SLC9A5: variants seen among roughly 807,000 people sequenced by gnomAD.
SLC9A5 encodes solute carrier family 9 member A5.
SLC9A5 carries 52 observed loss-of-function variants against 91.7 expected under a neutral mutation model. That is an observed-to-expected ratio of 0.57 (90% CI 0.45 to 0.71). The LOEUF (loss-of-function observed/expected upper bound fraction) is 0.71. Ranked by LOEUF, SLC9A5 falls within the 30% of genes least tolerant of loss-of-function variation. The probability of loss-of-function intolerance (pLI) is 0.00; values close to 1 mark genes in which losing one functional copy is unlikely to be tolerated. For synonymous variants in SLC9A5, 419 were observed against 474.5 expected (o/e 0.88, Z 1.52); for missense variants, 871 against 1,158.9 (o/e 0.75, Z 3.61).
Position 67,252,678 on chromosome 16 carries a change from C to T in SLC9A5, c.324C>T (p.Phe108=), listed in dbSNP as rs1176969321. 3 of 1,614,226 alleles carry T rather than the reference C, an allele frequency of 1.9e-6. No homozygotes were observed. The South Asian group carries it at 3.3e-5, about 18-fold the overall frequency. The change falls in exon 2 of 16, where the codon TTC becomes TTT. Residue 108 remains phenylalanine (F), a synonymous_variant. Transcript: ENST00000299798. The surrounding 1 kb of genome is among the most constrained non-coding windows in gnomAD (Gnocchi z 4.0). ...AEYQLEPGTF[F]LFLLPPIVLD... ...ACCAGCTGGAGCCAGGCACCTTCTT[C>T]CTCTTCCTGCTGCCTCCTATTGTGT...
chr16:67,261,719 T>C (rs774350934), intron 12 of SLC9A5: 2 of 152,302 alleles, frequency 1.3e-5, no homozygotes, highest in Non-Finnish European at 2.9e-5. Context: ...TATTTATTTA[T>C]TGAAGAAGCT....
chr16:67,250,471 A>T (rs191606217), intron 1 of SLC9A5, among the ~76,000 whole-genome samples: 8 of 152,276 alleles, frequency 5.3e-5, no homozygotes, highest in Admixed American at 1.3e-4. Context: ...GGAGCCAACG[A>T]TTGGGTTTGC....
At chr16:67,259,503 C>A in intron 10 of SLC9A5, 70 bp from the exon 11 acceptor site, 8 of 1,087,854 alleles carry the variant, frequency 7.4e-6, no homozygotes, top group Non-Finnish European at 1.1e-5. Flanking sequence ...TTATTATTTT[C>A]TTTATTACCC....
Position 67,255,161 on chromosome 16 carries a change from C to A in SLC9A5, c.631C>A (p.Leu211Met). The change falls in exon 3 of 16, where the codon CTG (leucine) becomes ATG (methionine). Residue 211 changes from leucine to methionine, a missense_variant. Leu to Met is a conservative substitution (Grantham distance 15). Around this residue, in one of 3 missense-constraint regions of SLC9A5, gnomAD observed 454 missense variants for 718.3 expected, o/e 0.63. Coordinates refer to ENST00000299798, the MANE Select transcript of SLC9A5 (RefSeq NM_004594.3). This position sits in a 1 kb window ranked among gnomAD's most constrained non-coding sequence, Gnocchi z 4.9. Reference sequence around the variant, plus strand: ...CTTTATCATCGTCTTTGGCGAGTCCCTGCTCAACGATGCTGTCACCGTGGT... The same window carrying A: ...CTTTATCATCGTCTTTGGCGAGTCCATGCTCAACGATGCTGTCACCGTGGT... Reference protein sequence around the residue: ...TLFIIVFGESLLNDAVTVVLY... With the variant: ...TLFIIVFGESMLNDAVTVVLY... The A allele has an allele frequency of 6.2e-7, 1 of 1,613,940 alleles. No homozygotes were observed. Among genetic ancestry groups the A allele is most frequent in the South Asian group, 1.1e-5 (1 of 91,078 alleles).
In SLC9A5 at chr16:67,252,616, G is replaced by A; in HGVS notation, c.262G>A (p.Gly88Arg). 6.2e-7 allele frequency: 1 copy of A among 1,614,098 alleles called. No homozygotes were observed. Among genetic ancestry groups the A allele is most frequent in the Non-Finnish European group, 8.5e-7 (1 of 1,180,042 alleles). The change falls in exon 2 of 16, where the codon GGG becomes AGG. Residue 88 changes from glycine (G) to arginine (R), a missense_variant. Gly to Arg is a moderately radical substitution (Grantham distance 125). This residue lies in a region of SLC9A5 where 122 missense variants were observed against 114.5 expected (regional missense o/e 1.07). Transcript: ENST00000299798. The surrounding 1 kb of genome is among the most constrained non-coding windows in gnomAD (Gnocchi z 4.0). ...CLLILLGLVL[G>R]GIVLAVAKKA... ...GCTGATTTTGCTGGGCCTGGTGCTA[G>A]GGGGAATTGTTTTGGCTGTGGCCAA...
rs984624021 is a variant in SLC9A5 at position 67,271,397 on chromosome 16, C to T, written c.*187C>T. Reference sequence around the variant, plus strand: ...TCACAGGGGCCTTTCTCACCACCTCCCTGCTCCTAACCCCTGCCACTTTCT... The same window carrying T: ...TCACAGGGGCCTTTCTCACCACCTCTCTGCTCCTAACCCCTGCCACTTTCT... On this transcript the variant is annotated 3_prime_UTR_variant, in exon 16 of 16. Transcript: ENST00000299798. 6.4e-5 allele frequency: 39 copies of T among 611,002 alleles called. No homozygotes were observed. Among genetic ancestry groups the T allele is most frequent in the Non-Finnish European group, 1.0e-4 (36 of 343,894 alleles). The allele number at this position is 611,002 out of a possible 1,614,324, so 37.8% of individuals were successfully genotyped here.
chr16:67,252,985 C>T lies in SLC9A5; in HGVS notation c.490+141C>T, dbSNP rs1020801768. On this transcript the variant is annotated intron_variant, in intron 2 of 15. Transcript: ENST00000299798. This position sits in a 1 kb window ranked among gnomAD's most constrained non-coding sequence, Gnocchi z 4.0. ...TCCCTCTGGAGTGCAAGGCAGTGCT[C>T]CCGCTGGGGTTCAGGCCTCATTGAG... 1.7e-5 allele frequency: 13 copies of T among 748,018 alleles called. No homozygotes were observed. The African/African-American group carries it at 1.8e-4, about 10-fold the overall frequency. 46.3% of individuals were successfully genotyped at this position (748,018 alleles called of 1,614,324 possible).
Position 67,262,290 on chromosome 16 carries a change from G to A in SLC9A5, c.1843-2062G>A, listed in dbSNP as rs1406476161. 6.6e-6 allele frequency: 3 copies of A among 457,264 alleles called. No individual in the cohort carries two copies. In the Admixed American group the frequency reaches 7.1e-5, roughly 11 times the overall value. 28.3% of individuals were successfully genotyped at this position (457,264 alleles called of 1,614,324 possible). A position where few individuals can be genotyped will look rare whatever the true frequency, so the allele number is the denominator to read the frequency against. On this transcript the variant is annotated intron_variant, in intron 12 of 15. Transcript: ENST00000299798. Reference sequence around the variant, plus strand: ...CTGACATGGATCAAGCATTTTTGGGGTATGGTAACTCAACCAGTTCTGAAT... The same window carrying A: ...CTGACATGGATCAAGCATTTTTGGGATATGGTAACTCAACCAGTTCTGAAT...
At position 67,258,783 on chromosome 16, in the gene SLC9A5, C is replaced by G. The variant is rs559051287; in HGVS notation, c.1626+336C>G. 1.3e-5 allele frequency among the ~76,000 whole-genome samples: 2 copies of G among 152,184 alleles called. No individual in the cohort carries two copies. Among genetic ancestry groups the G allele is most frequent in the Admixed American group, 1.3e-4 (2 of 15,280 alleles). On this transcript the variant is annotated intron_variant, in intron 10 of 15. Transcript: ENST00000299798. The surrounding 1 kb of genome is among the most constrained non-coding windows in gnomAD (Gnocchi z 4.5). Reference sequence around the variant, plus strand: ...ATAAGAGGCTGGGCACGGTGGCTCACGCCTGTAATCCCAGCACTGTGGGAG... The same window carrying G: ...ATAAGAGGCTGGGCACGGTGGCTCAGGCCTGTAATCCCAGCACTGTGGGAG...
rs1212157043 is a variant in SLC9A5 at position 67,268,657 on chromosome 16, A to ATT, written c.2219-2080_2219-2079dup. On this transcript the variant is annotated intron_variant, in intron 15 of 15. Coordinates refer to ENST00000299798, the MANE Select transcript of SLC9A5 (RefSeq NM_004594.3). Reference sequence around the variant, plus strand: ...ATCAAACATCGTTCAAATTTCCCTGATTATATATATATATATATATATATA... The same window carrying ATT: ...ATCAAACATCGTTCAAATTTCCCTGATTTTATATATATATATATATATATATA... 3.3e-3 allele frequency among the ~76,000 whole-genome samples: 158 copies of ATT among 47,768 alleles called. 5 individuals are homozygous for ATT. Among genetic ancestry groups the ATT allele is most frequent in the Middle Eastern group, 0.018 (1 of 56 alleles). The allele number at this position is 47,768 out of a possible 152,430, so 31.3% of individuals were successfully genotyped here. A position where few individuals can be genotyped will look rare whatever the true frequency, so the allele number is the denominator to read the frequency against.
Position 67,255,952 on chromosome 16 carries a change from G to A in SLC9A5, c.911+22G>A. On this transcript the variant is annotated intron_variant, in intron 5 of 15. Coordinates refer to ENST00000299798, the MANE Select transcript of SLC9A5 (RefSeq NM_004594.3). The surrounding 1 kb of genome is among the most constrained non-coding windows in gnomAD (Gnocchi z 4.9). ...TTGCGTGAGTTCTGGGGGCCTTGCA[G>A]GCAGATAGCTGGGAGGGGGCACTGG... The A allele has an allele frequency of 1.9e-6, 3 of 1,608,078 alleles. No individual in the cohort carries two copies. Among genetic ancestry groups the A allele is most frequent in the Non-Finnish European group, 1.7e-6 (2 of 1,176,890 alleles).
At chr16:67,266,277 T>A (rs776553855) in intron 15 of SLC9A5, 52 bp downstream of exon 15, 2 of 1,521,150 alleles carry the variant, frequency 1.3e-6, no homozygotes, top group South Asian at 2.6e-5. Flanking sequence ...TGGTTTCCTC[T>A]CTCTTCACTC....
chr16:67,254,555 C>A (rs925129815), intron 2 of SLC9A5, among the ~76,000 whole-genome samples: 1 of 152,150 alleles, frequency 6.6e-6, no homozygotes, highest in Non-Finnish European at 1.5e-5. Context: ...CACCACTGCG[C>A]CTGGCTACTT....
At position 67,252,878 on chromosome 16, in the gene SLC9A5, C is replaced by G; in HGVS notation, c.490+34C>G. ...CCCTAAGACCTGGGCTTTGCCAGAC[C>G]CATCACCCCTCTCCCTTCTCCTCAA... is the stretch of plus-strand genomic sequence containing the variant. On this transcript the variant is annotated intron_variant, in intron 2 of 15. Transcript: ENST00000299798. This position sits in a 1 kb window ranked among gnomAD's most constrained non-coding sequence, Gnocchi z 4.0. 1 of 1,571,172 alleles carries G rather than the reference C, an allele frequency of 6.4e-7. No individual in the cohort carries two copies. The highest frequency in any genetic ancestry group is 8.6e-7 in the Non-Finnish European group (1 of 1,156,464).
At position 67,270,502 on chromosome 16, in the gene SLC9A5, G is replaced by A. The variant is rs2035879461; in HGVS notation, c.2219-236G>A. Among the ~76,000 whole-genome samples the A allele has an allele frequency of 6.6e-6, 1 of 152,126 alleles. No individual in the cohort carries two copies. The highest frequency in any genetic ancestry group is 1.5e-5 in the Non-Finnish European group (1 of 68,030). ...CAACTTTCCTTATTTTCGTTTCTTT[G>A]ATGAAAATAATGTTCAATTTCTTGA... On this transcript the variant is annotated intron_variant, in intron 15 of 15. Transcript: ENST00000299798. This position sits in a 1 kb window ranked among gnomAD's most constrained non-coding sequence, Gnocchi z 4.3.
intron 15 of SLC9A5, among the ~76,000 whole-genome samples, chr16:67,268,667 TA>T (rs2035806110): frequency 6.8e-5 from 2 of 29,520 alleles, no homozygotes; most frequent in Admixed American, 3.2e-4. Flanking sequence ...ATTATATATA[TA>T]TATATATATA....
Position 67,258,565 on chromosome 16 carries a change from C to A in SLC9A5, c.1626+118C>A. 8.2e-7 allele frequency: 1 copy of A among 1,219,778 alleles called. No individual in the cohort carries two copies. The highest frequency in any genetic ancestry group is 1.2e-6 in the Non-Finnish European group (1 of 845,218). 75.6% of individuals were successfully genotyped at this position (1,219,778 alleles called of 1,614,324 possible). A position where few individuals can be genotyped will look rare whatever the true frequency, so the allele number is the denominator to read the frequency against. On this transcript the variant is annotated intron_variant, in intron 10 of 15. Coordinates refer to ENST00000299798, the MANE Select transcript of SLC9A5 (RefSeq NM_004594.3). This position sits in a 1 kb window ranked among gnomAD's most constrained non-coding sequence, Gnocchi z 4.5. ...CAGGGAGTTGGGAATTCCTAGCTGG[C>A]TCCATGGTCTGGTGAAGTGGCAGCG...
Position 67,257,117 on chromosome 16 carries a change from G to A in SLC9A5, c.1335+4G>A. The stretch of plus-strand genomic sequence containing the variant: ...CTTCTTCACAGTCATCGTGCAGGTG[G>A]GAGTGCCCACAAGGCTGGGTAGGGA... On this transcript the variant is annotated splice_donor_region_variant and intron_variant, in intron 7 of 15. Coordinates refer to ENST00000299798, the MANE Select transcript of SLC9A5 (RefSeq NM_004594.3). The surrounding 1 kb of genome is among the most constrained non-coding windows in gnomAD (Gnocchi z 5.1). The A allele has an allele frequency of 6.2e-7, 1 of 1,606,772 alleles. No individual in the cohort carries two copies. The highest frequency in any genetic ancestry group is 1.7e-5 in the Admixed American group (1 of 59,998).
In SLC9A5 at chr16:67,258,518, T is replaced by C. The variant is rs2035402959; in HGVS notation, c.1626+71T>C. 14 of 1,578,292 alleles carry C rather than the reference T, an allele frequency of 8.9e-6. 1 individual carries two copies. Among genetic ancestry groups the C allele is most frequent in the Admixed American group, 3.3e-5 (2 of 59,766 alleles). On this transcript the variant is annotated intron_variant, in intron 10 of 15. Coordinates refer to ENST00000299798, the MANE Select transcript of SLC9A5 (RefSeq NM_004594.3). The surrounding 1 kb of genome is among the most constrained non-coding windows in gnomAD (Gnocchi z 4.5). ...GTCAGCAGAGCAGGACAGAAAGGGG[T>C]GGCAAGCAGGCTGGCCCTGAGCAGG...
Sources: allele counts gnomAD v4.1 joint callset (sites outside exome capture counted in the v4.1 genomes callset), GRCh38; gene constraint gnomAD v4.1.1; regional missense constraint gnomAD v4.1.1; non-coding constraint Gnocchi (gnomAD v3.1); transcripts MANE v1.5; gene names NCBI Gene and HGNC (gene_info 2026-07-23, HGNC 2026-07-21).